Variants in TRIM69 observed in about 807,000 individuals in gnomAD.
TRIM69 encodes tripartite motif containing 69.
TRIM69 carries 29 observed loss-of-function variants against 37.7 expected under a neutral mutation model. That is an observed-to-expected ratio of 0.77 (90% CI 0.57 to 1.05). The LOEUF (loss-of-function observed/expected upper bound fraction) is 1.05. TRIM69 is among the 50% of genes least tolerant of loss of function. The pLI is 0.00. For missense variants in TRIM69, 596 were observed against 579.9 expected, an observed-to-expected ratio of 1.03 and a Z score of -0.28; for synonymous variants, 209 against 212.4, an observed-to-expected ratio of 0.98 and a Z score of 0.14.
chr15:44,767,719 C>T lies in TRIM69; in HGVS notation c.1450C>T (p.Leu484Phe). 2 of 1,613,992 alleles carry T rather than the reference C, an allele frequency of 1.2e-6. No individual in the cohort carries two copies. Among genetic ancestry groups the T allele is most frequent in the Non-Finnish European group, 1.7e-6 (2 of 1,180,028 alleles). The change falls in exon 7 of 7, where the codon CTT becomes TTT. Residue 484 changes from leucine to phenylalanine, a missense_variant. By Grantham distance (22) the Leu-to-Phe change is conservative (BLOSUM62 0). Transcript: ENST00000329464. Reference protein sequence around the residue: ...EKLYPYFCPCLNDGGENKEPL... With the variant: ...EKLYPYFCPCFNDGGENKEPL... ...ACTTTATCCCTACTTCTGCCCCTGC[C>T]TTAATGATGGTGGAGAGAATAAAGA...
At chr15:44,754,577 A>T (rs2087602728) in intron 1 of TRIM69, 1 of 272,178 alleles carries the variant, frequency 3.7e-6, no homozygotes, top group African/African-American at 2.2e-5. Flanking sequence ...AAAGGTAATA[A>T]CTAGTAGAGC....
chr15:44,746,421 A>C (rs2087408337), intron 1 of TRIM69, among the ~76,000 whole-genome samples: 1 of 152,218 alleles, frequency 6.6e-6, no homozygotes, highest in Admixed American at 6.5e-5. Flanking sequence ...ACATAAAAAA[A>C]GCACTCATCA....
intron 1 of TRIM69, among the ~76,000 whole-genome samples, chr15:44,746,618 C>A (rs2087412896): frequency 6.6e-6 from 1 of 152,116 alleles, no homozygotes; most frequent in Admixed American, 6.5e-5. Flanking sequence ...TTCCTGTGGG[C>A]TGGAGGTAAA....
At chr15:44,767,044 T>C (rs2087902942) in intron 6 of TRIM69, among the ~76,000 whole-genome samples, 187 bp from the exon 7 acceptor site, 1 of 9,360 alleles carries the variant, frequency 1.1e-4, no homozygotes, top group Non-Finnish European at 3.3e-4. Context: ...TGGGCAACCT[T>C]GTCTGCCTCA....
chr15:44,767,447 G>C lies in TRIM69; in HGVS notation c.1178G>C (p.Gly393Ala). Residue 393 changes from glycine (G) to alanine (A), a missense_variant, in exon 7 of 7, where the codon GGA becomes GCA. Gly to Ala is a moderately conservative substitution (Grantham distance 60). Transcript: ENST00000329464. ...EVAKKTKWTV[G>A]VVRESIIRKG... ...GCAAAGAAGACAAAATGGACAGTTG[G>C]AGTTGTCAGAGAATCCATCATTCGG... The C allele has an allele frequency of 1.9e-6, 3 of 1,614,198 alleles. No homozygotes were observed. The highest frequency in any genetic ancestry group is 2.5e-6 in the Non-Finnish European group (3 of 1,180,042).
intron 1 of TRIM69, chr15:44,753,909 T>C (rs935910268): frequency 1.3e-5 from 2 of 151,864 alleles, no homozygotes; most frequent in African/African-American, 4.8e-5. Flanking sequence ...AGAGACAGGG[T>C]TTCACCATGT....
At position 44,755,134 on chromosome 15, in the gene TRIM69, T is replaced by G. The variant is rs1465636226; in HGVS notation, c.241T>G (p.Cys81Gly). The stretch of plus-strand genomic sequence containing the variant: ...AGCAAAGGAAACATTCTGTCCTGAG[T>G]GTAAGATGCTATGTCAGTATAACAA... ...LQAKETFCPE[C>G]KMLCQYNNCT... The change falls in exon 2 of 7, where the codon TGT becomes GGT. Residue 81 changes from cysteine to glycine, a missense_variant. Cys to Gly is a radical substitution (Grantham distance 159, BLOSUM62 -3). Coordinates refer to ENST00000329464, the MANE Select transcript of TRIM69 (RefSeq NM_182985.5). The G allele has an allele frequency of 1.2e-6, 2 of 1,614,198 alleles. No homozygotes were observed. The highest frequency in any genetic ancestry group is 1.1e-5 in the South Asian group (1 of 91,078).
intron 1 of TRIM69, among the ~76,000 whole-genome samples, chr15:44,741,364 G>A (rs1198718508): frequency 6.6e-6 from 1 of 151,878 alleles, no homozygotes; most frequent in Non-Finnish European, 1.5e-5. Flanking sequence ...AGAGAAAGCA[G>A]GAAAGATCCG....
At chr15:44,756,311 C>G (rs2087644907) in intron 2 of TRIM69, 57 bp from the exon 3 acceptor site, 1 of 1,269,752 alleles carries the variant, frequency 7.9e-7, no homozygotes, top group Admixed American at 2.0e-5. Context: ...GGAAGATGTC[C>G]TTTATGGTCC....
At chr15:44,752,981 C>T (rs2087566811) in intron 1 of TRIM69, 1 of 152,118 alleles carries the variant, frequency 6.6e-6, no homozygotes, top group Non-Finnish European at 1.5e-5. Flanking sequence ...TATCCATTAA[C>T]ACACATAACT....
At chr15:44,742,778 A>G (rs958302577) in intron 1 of TRIM69, among the ~76,000 whole-genome samples, 1 of 149,424 alleles carries the variant, frequency 6.7e-6, no homozygotes, top group Admixed American at 6.7e-5. Context: ...GACCTCTTCA[A>G]GGAGAACTAC....
chr15:44,749,021 C>G lies in TRIM69; in HGVS notation c.7-5879C>G, dbSNP rs367714298. 4.0e-5 allele frequency among the ~76,000 whole-genome samples: 6 copies of G among 151,834 alleles called. No homozygotes were observed. In the East Asian group the frequency reaches 7.9e-4, roughly 20 times the overall value. The stretch of plus-strand genomic sequence containing the variant: ...TCAGCCTTCCGAGTAGCCGGGATTA[C>G]AGGCACGTGACACCACACCCAGTTT... On this transcript the variant is annotated intron_variant, in intron 1 of 6. Coordinates refer to ENST00000329464, the MANE Select transcript of TRIM69 (RefSeq NM_182985.5).
At chr15:44,749,559 A>T (rs1026608044) in intron 1 of TRIM69, among the ~76,000 whole-genome samples, 2 of 152,226 alleles carry the variant, frequency 1.3e-5, no homozygotes, top group African/African-American at 4.8e-5. Flanking sequence ...GCATGTATGA[A>T]TACTTTATTC....
chr15:44,757,194 G>C (rs968479442), intron 3 of TRIM69: 1 of 152,152 alleles, frequency 6.6e-6, no homozygotes, highest in Non-Finnish European at 1.5e-5. Flanking sequence ...CTATTAGTGT[G>C]AGCATTCATT....
Position 44,736,652 on chromosome 15 carries a change from T to C in TRIM69, c.-53T>C, listed in dbSNP as rs2087166978. 6.2e-7 allele frequency: 1 copy of C among 1,607,954 alleles called. No individual in the cohort carries two copies. The highest frequency in any genetic ancestry group is 8.5e-7 in the Non-Finnish European group (1 of 1,177,628). On this transcript the variant is annotated 5_prime_UTR_variant, in exon 1 of 7. Transcript: ENST00000329464. Reference sequence around the variant, plus strand: ...TCCCAGTCTGCAGCCATCCTGGGCCTGCTGAGCTCTGATTCAAGTGCCTGC... The same window carrying C: ...TCCCAGTCTGCAGCCATCCTGGGCCCGCTGAGCTCTGATTCAAGTGCCTGC...
intron 1 of TRIM69, among the ~76,000 whole-genome samples, chr15:44,748,066 C>T (rs2087444594): frequency 6.6e-6 from 1 of 152,152 alleles, no homozygotes; most frequent in African/African-American, 2.4e-5. Flanking sequence ...CTGATTTCAC[C>T]AGTGACTTGA....
chr15:44,758,554 G>C, intron 3 of TRIM69, 67 bp from the exon 4 acceptor site: 6 of 1,588,860 alleles, frequency 3.8e-6, no homozygotes, highest in South Asian at 1.1e-5. Context: ...AGTGTTGGTG[G>C]TGTGGGCCCC....
In TRIM69 at chr15:44,755,051, T is replaced by C. The variant is rs1376200793; in HGVS notation, c.158T>C (p.Met53Thr). Residue 53 changes from methionine to threonine, a missense_variant, in exon 2 of 7, where the codon ATG becomes ACG. Coordinates refer to ENST00000329464, the MANE Select transcript of TRIM69 (RefSeq NM_182985.5). ...AATGATTGGTTCCGAGACCCACTGATGCTAAGCTGTGGCCACAACTTCTGT... is the reference window on the plus strand; with the variant it reads ...AATGATTGGTTCCGAGACCCACTGACGCTAAGCTGTGGCCACAACTTCTGT... ...LCNDWFRDPL[M>T]LSCGHNFCEA... is the part of the protein sequence containing the mutation. 2 of 1,614,230 alleles carry C rather than the reference T, an allele frequency of 1.2e-6. No homozygotes were observed. Among genetic ancestry groups the C allele is most frequent in the Non-Finnish European group, 1.7e-6 (2 of 1,180,038 alleles).
chr15:44,766,052 T>A (rs1202968158), intron 6 of TRIM69, among the ~76,000 whole-genome samples: 1 of 152,210 alleles, frequency 6.6e-6, no homozygotes, highest in African/African-American at 2.4e-5. Context: ...TCTAAACCAA[T>A]GCTTGTAAAA....
Sources: allele counts gnomAD v4.1 joint callset (sites outside exome capture counted in the v4.1 genomes callset), GRCh38; gene constraint gnomAD v4.1.1; transcripts MANE v1.5; gene names NCBI Gene and HGNC (gene_info 2026-07-23, HGNC 2026-07-21).